KPNA4: variants seen among roughly 807,000 people sequenced by gnomAD.
KPNA4 encodes importin subunit alpha-3.
A neutral mutation model predicts 71.3 loss-of-function variants in KPNA4; 13 were observed. The ratio of observed to expected loss-of-function variants is 0.18; its 90% CI spans 0.12 to 0.29. The LOEUF (loss-of-function observed/expected upper bound fraction) is 0.29, where lower values mean the gene tolerates loss of function less well. KPNA4 is among the 10% of genes least tolerant of loss of function. The pLI is 1.00. For missense variants in KPNA4, 334 were observed against 603.2 expected, an observed-to-expected ratio of 0.55 and a Z score of 4.67; for synonymous variants, 189 against 195.2, an observed-to-expected ratio of 0.97 and a Z score of 0.26.
At chr3:160,526,242 C>G in intron 8 of KPNA4, 135 bp from the exon 9 acceptor site, 1 of 572,082 alleles carries the variant, frequency 1.7e-6, no homozygotes, top group Middle Eastern at 5.2e-4. Context: ...CAATAACAAG[C>G]AGGCTCACAT....
chr3:160,515,211 C>T (rs747899785), intron 12 of KPNA4: 4 of 582,566 alleles, frequency 6.9e-6, no homozygotes, highest in Non-Finnish European at 1.3e-5. Flanking sequence ...ATTCAACACC[C>T]AATTATCTCT....
intron 5 of KPNA4, among the ~76,000 whole-genome samples, chr3:160,534,353 A>T (rs1721637368): frequency 6.6e-6 from 1 of 152,148 alleles, no homozygotes; most frequent in Non-Finnish European, 1.5e-5. Context: ...CCTATTTATT[A>T]ATACAAAGGT....
At chr3:160,549,517 T>C (rs1171368461) in intron 1 of KPNA4, among the ~76,000 whole-genome samples, 1 of 152,212 alleles carries the variant, frequency 6.6e-6, no homozygotes, top group Non-Finnish European at 1.5e-5. Context: ...CAGCACCGTT[T>C]GTTAAAGGAC....
At chr3:160,516,823 C>A (rs1180683788) in intron 11 of KPNA4, among the ~76,000 whole-genome samples, 2 of 151,904 alleles carry the variant, frequency 1.3e-5, no homozygotes, top group Non-Finnish European at 2.9e-5. Context: ...AAGATACCTG[C>A]CTAACATGAG....
At chr3:160,522,967 G>A (rs2108549193) in intron 10 of KPNA4, among the ~76,000 whole-genome samples, 1 of 151,732 alleles carries the variant, frequency 6.6e-6, no homozygotes, top group East Asian at 1.9e-4. Flanking sequence ...AGTACAACAG[G>A]CCATGTGTTT....
At chr3:160,547,618 C>T (rs764767013) in intron 1 of KPNA4, among the ~76,000 whole-genome samples, 1 of 152,000 alleles carries the variant, frequency 6.6e-6, no homozygotes, top group Non-Finnish European at 1.5e-5. Context: ...TTCTTGGTGT[C>T]GCATACTCTA....
chr3:160,549,716 GTTCT>G, intron 1 of KPNA4, among the ~76,000 whole-genome samples: 1 of 152,272 alleles, frequency 6.6e-6, no homozygotes, highest in East Asian at 1.9e-4. Context: ...CTCCAGGCTT[GTTCT>G]TTCTCAAGAT....
rs1022696550 is a variant in KPNA4 at position 160,496,494 on chromosome 3, A to G, written c.*5610T>C. On this transcript the variant is annotated 3_prime_UTR_variant, in exon 17 of 17. Coordinates refer to ENST00000334256, the MANE Select transcript of KPNA4 (RefSeq NM_002268.5). The stretch of plus-strand genomic sequence containing the variant: ...AACAGGCTGGAGAAAATCTTGGGTA[A>G]TATTAGAGTAACATAGTCTAGGATA... 2 of 152,212 alleles carry G rather than the reference A, an allele frequency of 1.3e-5. No individual in the cohort carries two copies. The highest frequency in any genetic ancestry group is 4.8e-5 in the African/African-American group (2 of 41,456). 9.4% of individuals were successfully genotyped at this position (152,212 alleles called of 1,614,324 possible).
chr3:160,535,253 T>C lies in KPNA4; in HGVS notation c.287+260A>G, dbSNP rs560801135. Among the ~76,000 whole-genome samples, 21 of 152,354 alleles carry C rather than the reference T, an allele frequency of 1.4e-4. No homozygotes were observed. In the South Asian group the frequency reaches 3.5e-3, roughly 26 times the overall value. On this transcript the variant is annotated intron_variant, in intron 5 of 16. Transcript: ENST00000334256. ...CATTAATTTGTTAAATCAACTTTCC[T>C]TGGCATCTGTATGCATTATGTATAT...
chr3:160,533,293 G>A (rs577544122), intron 5 of KPNA4, among the ~76,000 whole-genome samples: 52 of 152,090 alleles, frequency 3.4e-4, no homozygotes, highest in Non-Finnish European at 5.7e-4. Context: ...CCAAACTGCT[G>A]GGATTACAGG....
chr3:160,513,036 C>T (rs1721130740), intron 13 of KPNA4, among the ~76,000 whole-genome samples: 1 of 152,078 alleles, frequency 6.6e-6, no homozygotes, highest in African/African-American at 2.4e-5. Context: ...GGCTGTAACA[C>T]CTCAGATCAC....
chr3:160,556,880 G>A (rs1344685235), intron 1 of KPNA4, among the ~76,000 whole-genome samples: 1 of 152,202 alleles, frequency 6.6e-6, no homozygotes, highest in Non-Finnish European at 1.5e-5. Flanking sequence ...AGATATATCT[G>A]TAGTAAAATG....
intron 1 of KPNA4, among the ~76,000 whole-genome samples, chr3:160,551,898 A>G (rs191248166): frequency 2.3e-5 from 3 of 130,198 alleles, no homozygotes; most frequent in East Asian, 4.7e-4. Flanking sequence ...CACACAAGGG[A>G]TATTTGGCAA....
chr3:160,527,711 G>C (rs957240464), intron 8 of KPNA4, among the ~76,000 whole-genome samples: 2 of 152,112 alleles, frequency 1.3e-5, no homozygotes, highest in African/African-American at 2.4e-5. Flanking sequence ...TATACATCTT[G>C]CATAATTATT....
In KPNA4 at chr3:160,497,958, AC is replaced by A. The variant is rs1720799104; in HGVS notation, c.*4145del. ...AACAATGTTACCCATTCCTTAGTAA[AC>A]AAAAAAAATATCCAAAAAGCTACAT... is the stretch of plus-strand genomic sequence containing the variant. On this transcript the variant is annotated 3_prime_UTR_variant, in exon 17 of 17. Transcript: ENST00000334256. The A allele has an allele frequency of 6.6e-6, 1 of 152,142 alleles. No individual in the cohort carries two copies. Among genetic ancestry groups the A allele is most frequent in the African/African-American group, 2.4e-5 (1 of 41,374 alleles). 9.4% of individuals were successfully genotyped at this position (152,142 alleles called of 1,614,324 possible).
rs1420269037 is a variant in KPNA4, at chr3:160,511,631, T to C, written c.1138-1760A>G. Among the ~76,000 whole-genome samples, 100 of 151,866 alleles carry C rather than the reference T, an allele frequency of 6.6e-4. 2 individuals are homozygous for C. Among genetic ancestry groups the C allele is most frequent in the Non-Finnish European group, 1.2e-4 (8 of 67,966 alleles). On this transcript the variant is annotated intron_variant, in intron 13 of 16. Transcript: ENST00000334256. ...TTAAGTACATTACTGATGAAATATA[T>C]TCTAAGGGCAAACAAATGTCAAAGA...
chr3:160,534,006 G>T (rs1721630393), intron 5 of KPNA4, among the ~76,000 whole-genome samples: 1 of 152,170 alleles, frequency 6.6e-6, no homozygotes, highest in Non-Finnish European at 1.5e-5. Context: ...ATGGTTCTGA[G>T]ATTTTTCTGC....
At chr3:160,562,036 A>G (rs1202179935) in intron 1 of KPNA4, among the ~76,000 whole-genome samples, 1 of 152,158 alleles carries the variant, frequency 6.6e-6, no homozygotes, top group East Asian at 1.9e-4. Flanking sequence ...AAATTAAACT[A>G]AACTCTAGGA....
At chr3:160,528,064 C>T in intron 7 of KPNA4, 25 bp from the exon 8 acceptor site, 1 of 1,577,644 alleles carries the variant, frequency 6.3e-7, no homozygotes, top group East Asian at 2.2e-5. Context: ...AATAACAATA[C>T]TTAAGGTTGA....
Sources: allele counts gnomAD v4.1 joint callset (sites outside exome capture counted in the v4.1 genomes callset), GRCh38; gene constraint gnomAD v4.1.1; transcripts MANE v1.5; gene names NCBI Gene and HGNC (gene_info 2026-07-23, HGNC 2026-07-21).